Variants in SOX6 observed in about 807,000 individuals in gnomAD.
SOX6 encodes transcription factor SOX-6.
Under a neutral mutation model 97.8 loss-of-function variants are expected in SOX6, and 11 were observed. The observed-to-expected ratio is 0.11, with a 90% confidence interval of 0.07 to 0.19. The LOEUF (loss-of-function observed/expected upper bound fraction) is 0.19. Ranked by LOEUF, SOX6 falls within the 10% of genes least tolerant of loss-of-function variation. SOX6 has a pLI of 1.00. For missense variants in SOX6, 810 were observed against 1,039.5 expected, an observed-to-expected ratio of 0.78 and a Z score of 3.04; for synonymous variants, 360 against 371.4, an observed-to-expected ratio of 0.97 and a Z score of 0.35.
At chr11:16,275,213 G>A (rs1219110433) in intron 3 of SOX6, among the ~76,000 whole-genome samples, 2 of 151,710 alleles carry the variant, frequency 1.3e-5, no homozygotes, top group African/African-American at 4.8e-5. Flanking sequence ...AGCCCGAGGC[G>A]GGCGGATCAC....
At chr11:16,658,606 G>C (rs1317322517) in intron 3 of SOX6, among the ~76,000 whole-genome samples, 1 of 152,006 alleles carries the variant, frequency 6.6e-6, no homozygotes, top group Non-Finnish European at 1.5e-5. Flanking sequence ...TACTAGGGAG[G>C]CTGAGGCAAG....
At chr11:15,990,519 CTTGGCACATA>C (rs1854016244) in intron 13 of SOX6, among the ~76,000 whole-genome samples, 1 of 151,510 alleles carries the variant, frequency 6.6e-6, no homozygotes, top group Non-Finnish European at 1.5e-5. Flanking sequence ...CAATAAAGTA[CTTGGCACATA>C]GGATTTCAAT....
At chr11:16,340,884 C>A (rs946464580) in intron 2 of SOX6, 128 bp downstream of exon 2, 1 of 1,294,286 alleles carries the variant, frequency 7.7e-7, no homozygotes, top group Middle Eastern at 2.7e-4. Flanking sequence ...GTAATATGTA[C>A]CTGGTAGTTG....
At chr11:16,127,311 C>A (rs1163080663) in intron 6 of SOX6, among the ~76,000 whole-genome samples, 2 of 151,926 alleles carry the variant, frequency 1.3e-5, no homozygotes, top group African/African-American at 4.8e-5. Context: ...GTTGTTTTTG[C>A]ACTCAAAATC....
At chr11:16,267,501 C>T (rs1232156493) in intron 3 of SOX6, among the ~76,000 whole-genome samples, 1 of 151,518 alleles carries the variant, frequency 6.6e-6, no homozygotes, top group East Asian at 1.9e-4. Flanking sequence ...GATATCATTG[C>T]ACACCTGTTT....
intron 7 of SOX6, among the ~76,000 whole-genome samples, chr11:16,106,137 C>A (rs2133987298): frequency 6.6e-6 from 1 of 152,098 alleles, no homozygotes; most frequent in Non-Finnish European, 1.5e-5. Flanking sequence ...CCAAAGCAAC[C>A]TGCAGAGTCA....
rs192345549 is a variant in SOX6 at position 16,676,102 on chromosome 11, C to A, written n.429+38728G>T. On this transcript the variant is annotated intron_variant and non_coding_transcript_variant, in intron 3 of 5. Transcript: ENST00000524520. ...GAGGCTCTGCTCATTTTCATTCATT[C>A]ATTTTCCTGATCTTCAGCATAATCT... 1.6e-4 allele frequency among the ~76,000 whole-genome samples: 24 copies of A among 152,312 alleles called. 1 individual carries two copies. The highest frequency in any genetic ancestry group is 1.3e-3 in the Admixed American group (20 of 15,294).
At chr11:16,426,346 C>T (rs1450445950) in intron 1 of SOX6, among the ~76,000 whole-genome samples, 2 of 145,528 alleles carry the variant, frequency 1.4e-5, no homozygotes, top group Non-Finnish European at 3.0e-5. Context: ...CCTGAATAGC[C>T]AGAGCAATCC....
At chr11:16,087,321 G>A (rs934826661) in intron 9 of SOX6, among the ~76,000 whole-genome samples, 4 of 151,914 alleles carry the variant, frequency 2.6e-5, no homozygotes, top group African/African-American at 4.8e-5. Context: ...AAGAAATTTA[G>A]TCTCCTTTGT....
At chr11:16,683,795 G>A (rs568802508) in intron 3 of SOX6, among the ~76,000 whole-genome samples, 1 of 152,254 alleles carries the variant, frequency 6.6e-6, no homozygotes, top group African/African-American at 2.4e-5. Flanking sequence ...GGAGTGAGCA[G>A]GCAACCTACA....
At chr11:16,706,686 T>C (rs1415062380) in intron 3 of SOX6, among the ~76,000 whole-genome samples, 1 of 149,598 alleles carries the variant, frequency 6.7e-6, no homozygotes, top group Non-Finnish European at 1.5e-5. Context: ...CAGAGTTGGG[T>C]CTGGAGGGGG....
At chr11:16,440,622 C>T (rs1859486811) in intron 1 of SOX6, among the ~76,000 whole-genome samples, 1 of 152,124 alleles carries the variant, frequency 6.6e-6, no homozygotes, top group Non-Finnish European at 1.5e-5. Flanking sequence ...AGTACATTTC[C>T]TACAATGCAA....
At chr11:16,462,456 TC>T (rs2133107462) in intron 1 of SOX6, among the ~76,000 whole-genome samples, 1 of 152,322 alleles carries the variant, frequency 6.6e-6, no homozygotes, top group East Asian at 1.9e-4. Flanking sequence ...CCTAATCACA[TC>T]CACAAAGTGT....
At chr11:15,975,125 G>T (rs1392280623) in intron 15 of SOX6, among the ~76,000 whole-genome samples, 1 of 152,156 alleles carries the variant, frequency 6.6e-6, no homozygotes, top group Non-Finnish European at 1.5e-5. Flanking sequence ...CAGTTTTTAT[G>T]ATTCTCATGG....
At chr11:16,253,335 G>A (rs1853574232) in intron 3 of SOX6, among the ~76,000 whole-genome samples, 2 of 137,792 alleles carry the variant, frequency 1.5e-5, no homozygotes. Flanking sequence ...GGTAACAAGA[G>A]CAAAATTCCG....
intron 4 of SOX6, among the ~76,000 whole-genome samples, chr11:16,520,917 G>A (rs184626892): frequency 6.6e-6 from 1 of 152,374 alleles, no homozygotes; most frequent in African/African-American, 2.4e-5. Context: ...GTGGCAGCGA[G>A]GCTGGGGGAG....
At chr11:16,336,421 T>C (rs1177471968) in intron 2 of SOX6, among the ~76,000 whole-genome samples, 1 of 152,132 alleles carries the variant, frequency 6.6e-6, no homozygotes, top group Non-Finnish European at 1.5e-5. Flanking sequence ...TAAAACGTTG[T>C]CTCCACCCTT....
Position 16,185,531 on chromosome 11 carries a change from G to A in SOX6, c.708+1252C>T, listed in dbSNP as rs571333989. On this transcript the variant is annotated intron_variant, in intron 5 of 15. Transcript: ENST00000683767. ...ACACAGTGAAGTATGGTACATAAGC[G>A]CCATGTGGCTCAAATTCTGAATTTT... 4.6e-5 allele frequency among the ~76,000 whole-genome samples: 7 copies of A among 152,234 alleles called. No individual in the cohort carries two copies. The East Asian group carries it at 5.8e-4, about 13-fold the overall frequency.
chr11:16,670,690 G>T (rs1847842039), intron 3 of SOX6, among the ~76,000 whole-genome samples: 1 of 152,172 alleles, frequency 6.6e-6, no homozygotes. Context: ...TTGCAGAGCA[G>T]TTGCTGACCT....
Sources: allele counts gnomAD v4.1 joint callset (sites outside exome capture counted in the v4.1 genomes callset), GRCh38; gene constraint gnomAD v4.1.1; transcripts MANE v1.5; gene names NCBI Gene and HGNC (gene_info 2026-07-23, HGNC 2026-07-21).